The following LIPA variants were observed in gnomAD, a reference collection of about 807,000 sequenced individuals.
The protein encoded by LIPA is lipase A, lysosomal acid type.
In LIPA, 26 loss-of-function variants were observed where a neutral mutation model predicts 40.6. That is an observed-to-expected ratio of 0.64 (90% CI 0.47 to 0.89). The LOEUF (loss-of-function observed/expected upper bound fraction) is 0.89. Among genes scored for constraint, LIPA ranks in the 40% least tolerant of loss-of-function variants. The pLI, the probability that LIPA is intolerant of heterozygous loss-of-function variation, is 0.00. For synonymous variants in LIPA, 188 were observed against 168.4 expected, an observed-to-expected ratio of 1.12 and a Z score of -0.90; for missense variants, 455 against 479.6, an observed-to-expected ratio of 0.95 and a Z score of 0.48.
At chr10:89,315,089 G>C (rs1464143531) in intron 1 of LIPA, among the ~76,000 whole-genome samples, 1 of 152,180 alleles carries the variant, frequency 6.6e-6, no homozygotes, top group East Asian at 1.9e-4. Context: ...AATTCTACCA[G>C]AATTAAGCAC....
intron 2 of LIPA, among the ~76,000 whole-genome samples, chr10:89,366,046 T>G (rs948327178): frequency 1.3e-5 from 2 of 152,210 alleles, no homozygotes. Context: ...TTGGGCAGTA[T>G]GGTCATTTTC....
chr10:89,291,033 G>A (rs1589590684), intron 1 of LIPA, among the ~76,000 whole-genome samples: 2 of 152,118 alleles, frequency 1.3e-5, no homozygotes, highest in African/African-American at 2.4e-5. Context: ...AATGACATGG[G>A]TATTGAGAGC....
chr10:89,305,843 G>A lies in LIPA; in HGVS notation c.-2+36768C>T, dbSNP rs903783498. On this transcript the variant is annotated intron_variant, in intron 1 of 5. Transcript: ENST00000282673. Reference sequence around the variant, plus strand: ...AACATATTATAGAAAGAAAAGAAGGGGAGTTTCTTTGATTTGTGTTAACAG... The same window carrying A: ...AACATATTATAGAAAGAAAAGAAGGAGAGTTTCTTTGATTTGTGTTAACAG... The A allele has an allele frequency of 7.1e-6, 5 of 703,736 alleles. No homozygotes were observed. The African/African-American group carries it at 8.9e-5, about 12-fold the overall frequency. 43.6% of individuals were successfully genotyped at this position (703,736 alleles called of 1,614,324 possible).
At chr10:89,409,723 A>G (rs1841455948) in intron 2 of LIPA, among the ~76,000 whole-genome samples, 1 of 152,206 alleles carries the variant, frequency 6.6e-6, no homozygotes, top group Non-Finnish European at 1.5e-5. Flanking sequence ...TTACCATCCA[A>G]GGAATCCTGG....
intron 2 of LIPA, among the ~76,000 whole-genome samples, chr10:89,388,070 A>T (rs1844222217): frequency 6.6e-6 from 1 of 152,198 alleles, no homozygotes; most frequent in African/African-American, 2.4e-5. Flanking sequence ...CTACATTTTT[A>T]ATAGGATATA....
At position 89,398,619 on chromosome 10, in the gene LIPA, A is replaced by G. The variant is rs540807209; in HGVS notation, c.61+14172T>C. ...TACTCTAGGTAGCTTATATAAATTG[A>G]ATCATACAATATTGTCCTTTTGTGA... On this transcript the variant is annotated intron_variant, in intron 2 of 8. Transcript: ENST00000371837. Among the ~76,000 whole-genome samples the G allele has an allele frequency of 2.6e-5, 4 of 152,348 alleles. No individual in the cohort carries two copies. The South Asian group carries it at 8.3e-4, about 32-fold the overall frequency.
chr10:89,264,393 A>G (rs1855026), intron 1 of LIPA, among the ~76,000 whole-genome samples: 1 of 151,822 alleles, frequency 6.6e-6, no homozygotes, highest in Admixed American at 6.5e-5. Flanking sequence ...CAGCCCTCAG[A>G]GGAGAGGAGA....
intron 1 of LIPA, among the ~76,000 whole-genome samples, chr10:89,248,439 T>TATTA (rs377027356): frequency 4.5e-4 from 35 of 77,580 alleles, no homozygotes; most frequent in East Asian, 4.4e-3. Flanking sequence ...TTATTATTAT[T>TATTA]TTATATTTAT....
At chr10:89,361,058 G>A (rs148786490) in intron 2 of LIPA, among the ~76,000 whole-genome samples, 33 of 152,102 alleles carry the variant, frequency 2.2e-4, no homozygotes, top group African/African-American at 6.5e-4. Context: ...TTGGGTTAGC[G>A]TCCTCCCAAT....
intron 2 of LIPA, among the ~76,000 whole-genome samples, chr10:89,400,721 A>G (rs1169718532): frequency 6.6e-6 from 1 of 152,202 alleles, no homozygotes; most frequent in East Asian, 1.9e-4. Flanking sequence ...AGATAATCTT[A>G]CTTCTTCCTT....
upstream of LIPA, among the ~76,000 whole-genome samples, chr10:89,253,000 A>C (rs1843152334): frequency 6.6e-6 from 1 of 152,286 alleles, no homozygotes; most frequent in Middle Eastern, 3.4e-3. Flanking sequence ...TCCTAGCCAG[A>C]GTGGTGAGGT....
At chr10:89,267,441 A>G (rs1843242160) in intron 1 of LIPA, among the ~76,000 whole-genome samples, 1 of 152,134 alleles carries the variant, frequency 6.6e-6, no homozygotes, top group South Asian at 2.1e-4. Context: ...AGAACCAAAG[A>G]AATTGGAAAC....
intron 1 of LIPA, among the ~76,000 whole-genome samples, chr10:89,268,985 C>CA (rs11453669): frequency 0.72 from 100,740 of 139,806 alleles, 36,403 homozygotes; most frequent in East Asian, 0.93. Context: ...GACTCTGTCT[C>CA]AAAAAAAAAA....
At chr10:89,399,865 C>T (rs550249358) in intron 2 of LIPA, among the ~76,000 whole-genome samples, 1 of 151,286 alleles carries the variant, frequency 6.6e-6, no homozygotes, top group Non-Finnish European at 1.5e-5. Context: ...CCAAAGCTCA[C>T]TCTCTCTCTC....
intron 3 of LIPA, among the ~76,000 whole-genome samples, chr10:89,238,050 C>T (rs1842926739): frequency 6.6e-6 from 1 of 152,184 alleles, no homozygotes; most frequent in Non-Finnish European, 1.5e-5. Context: ...GTTATCAAGC[C>T]TGAAACAATA....
At chr10:89,296,824 AC>A (rs1409175175) in intron 1 of LIPA, among the ~76,000 whole-genome samples, 12 of 152,108 alleles carry the variant, frequency 7.9e-5, no homozygotes, top group Non-Finnish European at 1.6e-4. Flanking sequence ...ATACATGATT[AC>A]CCCCTTTGTG....
chr10:89,393,058 TG>T, intron 2 of LIPA: 1 of 1,005,522 alleles, frequency 9.9e-7, no homozygotes, highest in Non-Finnish European at 1.3e-6. Context: ...CTGTCTGATA[TG>T]GGGAAGGAAT....
In LIPA at chr10:89,373,313, C is replaced by T. The variant is rs377394329; in HGVS notation, c.61+39478G>A. Among the ~76,000 whole-genome samples the T allele has an allele frequency of 1.1e-3, 132 of 121,368 alleles. 2 individuals carry two copies. The highest frequency in any genetic ancestry group is 4.2e-3 in the African/African-American group (128 of 30,194). 79.6% of individuals were successfully genotyped at this position (121,368 alleles called of 152,430 possible). On this transcript the variant is annotated intron_variant, in intron 2 of 8. Transcript: ENST00000371837. ...TTGCACCACTGCACTCCAGCCTGGG[C>T]GACAGAGCGAGACTCCCTCTCAAAA...
upstream of LIPA, among the ~76,000 whole-genome samples, chr10:89,255,336 G>A (rs538939968): frequency 6.6e-6 from 1 of 152,312 alleles, no homozygotes; most frequent in South Asian, 2.1e-4. Context: ...CCAAGTGAAA[G>A]GGGTTTCCCC....
Sources: gnomAD v4.1 joint callset for allele counts (sites outside exome capture counted in the v4.1 genomes callset) on GRCh38, gnomAD v4.1.1 for gene constraint, MANE v1.5 for transcripts, NCBI Gene and HGNC (gene_info 2026-07-23, HGNC 2026-07-21) for gene names.